Variants in EXOC4 observed in about 807,000 individuals in gnomAD.
The protein encoded by EXOC4 is SEC8-like 1.
EXOC4 carries 71 observed loss-of-function variants against 107.2 expected under a neutral mutation model. The ratio of observed to expected loss-of-function variants is 0.66; its 90% CI spans 0.55 to 0.81. EXOC4 has a LOEUF of 0.81. EXOC4 is among the 30% of genes least tolerant of loss of function. EXOC4 has a pLI of 0.00. For missense variants in EXOC4, 1,108 were observed against 1,189.6 expected (o/e 0.93, Z 1.01); for synonymous variants, 456 against 441.2 (o/e 1.03, Z -0.42).
intron 14 of EXOC4, among the ~76,000 whole-genome samples, chr7:133,990,851 C>A (rs561799997): frequency 6.6e-6 from 1 of 152,254 alleles, no homozygotes; most frequent in South Asian, 2.1e-4. Flanking sequence ...TAGGCTGGTT[C>A]CCTATTTTGG....
At chr7:133,786,679 T>C (rs1460200875) in intron 10 of EXOC4, among the ~76,000 whole-genome samples, 1 of 152,244 alleles carries the variant, frequency 6.6e-6, no homozygotes, top group Admixed American at 6.5e-5. Flanking sequence ...TTTGTGTCAC[T>C]TTACATTTTA....
intron 9 of EXOC4, among the ~76,000 whole-genome samples, chr7:133,553,367 C>T (rs573423548): frequency 6.6e-6 from 1 of 152,162 alleles, no homozygotes; most frequent in South Asian, 2.1e-4. Flanking sequence ...GTTGAGTAGC[C>T]CTGAAATAAT....
the EXOC4 span, among the ~76,000 whole-genome samples, chr7:134,077,994 G>A: frequency 6.6e-6 from 1 of 152,204 alleles, no homozygotes; most frequent in African/African-American, 2.4e-5. Context: ...GAGCACATTA[G>A]ATAATATTAT....
At chr7:133,649,213 G>T (rs779615456) in intron 10 of EXOC4, among the ~76,000 whole-genome samples, 2 of 151,978 alleles carry the variant, frequency 1.3e-5, no homozygotes, top group South Asian at 4.1e-4. Flanking sequence ...GGATACTTAT[G>T]GTTCTATGGA....
At chr7:133,755,343 T>C (rs1795892651) in intron 10 of EXOC4, among the ~76,000 whole-genome samples, 1 of 120,728 alleles carries the variant, frequency 8.3e-6, no homozygotes, top group Non-Finnish European at 1.7e-5. Context: ...TATACACATC[T>C]CTTTTTTTTT....
chr7:133,945,539 A>G (rs958850289), intron 14 of EXOC4, among the ~76,000 whole-genome samples: 1 of 152,320 alleles, frequency 6.6e-6, no homozygotes, highest in Non-Finnish European at 1.5e-5. Flanking sequence ...TCTGATTAAC[A>G]ACAAAAATGT....
At chr7:133,769,010 G>A (rs1386989759) in intron 10 of EXOC4, among the ~76,000 whole-genome samples, 1 of 151,978 alleles carries the variant, frequency 6.6e-6, no homozygotes, top group South Asian at 2.1e-4. Flanking sequence ...TGCCGTTAAC[G>A]TGCAAATCAC....
chr7:133,259,016 T>C (rs985163184), intron 1 of EXOC4, among the ~76,000 whole-genome samples: 10 of 152,128 alleles, frequency 6.6e-5, no homozygotes, highest in African/African-American at 2.4e-4. Flanking sequence ...ATATTGTGTA[T>C]TGTACAAATT....
At chr7:133,985,012 A>C (rs149656483) in intron 14 of EXOC4, among the ~76,000 whole-genome samples, 186 of 152,340 alleles carry the variant, frequency 1.2e-3, no homozygotes, top group African/African-American at 4.3e-3. Flanking sequence ...GGCTCATAAT[A>C]GTATATTCTC....
chr7:133,469,100 C>T (rs1376559366), intron 7 of EXOC4, among the ~76,000 whole-genome samples: 1 of 152,096 alleles, frequency 6.6e-6, no homozygotes, highest in Non-Finnish European at 1.5e-5. Context: ...TAATGTAAAT[C>T]ACTGAATACG....
At chr7:133,604,567 A>T (rs1801884566) in intron 9 of EXOC4, among the ~76,000 whole-genome samples, 1 of 152,124 alleles carries the variant, frequency 6.6e-6, no homozygotes, top group Non-Finnish European at 1.5e-5. Context: ...CACTGTATGT[A>T]TGGAACATGA....
At chr7:133,256,214 C>T (rs1327111550) in intron 1 of EXOC4, among the ~76,000 whole-genome samples, 5 of 152,240 alleles carry the variant, frequency 3.3e-5, no homozygotes, top group African/African-American at 9.6e-5. Context: ...ATCTCCTGAC[C>T]TTGTGATCCA....
intron 5 of EXOC4, among the ~76,000 whole-genome samples, chr7:133,341,937 T>G (rs778376180): frequency 5.9e-5 from 9 of 152,264 alleles, no homozygotes; most frequent in Admixed American, 3.9e-4. Flanking sequence ...ATGTGTCAGG[T>G]GAGTCTCTTG....
intron 13 of EXOC4, among the ~76,000 whole-genome samples, chr7:133,922,498 A>G (rs2116657364): frequency 6.6e-6 from 1 of 152,246 alleles, no homozygotes; most frequent in African/African-American, 2.4e-5. Context: ...ATAGGTTCTC[A>G]CTACTTCATA....
At chr7:133,555,227 G>A (rs1203983983) in intron 9 of EXOC4, among the ~76,000 whole-genome samples, 2 of 152,126 alleles carry the variant, frequency 1.3e-5, no homozygotes. Context: ...AGCATGTAAT[G>A]GTTAAGAAGA....
chr7:133,481,355 G>A (rs1462009317), intron 9 of EXOC4, among the ~76,000 whole-genome samples: 1 of 148,792 alleles, frequency 6.7e-6, no homozygotes. Flanking sequence ...TAGAACTCTG[G>A]GCTTTTCTCC....
chr7:133,838,206 G>T (rs1030356743), intron 11 of EXOC4, among the ~76,000 whole-genome samples: 1 of 152,118 alleles, frequency 6.6e-6, no homozygotes, highest in Non-Finnish European at 1.5e-5. Context: ...TTTACTCGTT[G>T]TTTTTGTACT....
At chr7:133,941,244 G>A (rs1012974422) in intron 14 of EXOC4, among the ~76,000 whole-genome samples, 3 of 151,908 alleles carry the variant, frequency 2.0e-5, no homozygotes, top group African/African-American at 4.8e-5. Flanking sequence ...TGATCCGCCC[G>A]CCTCGGCCTC....
chr7:133,928,623 C>A (rs559910006), intron 13 of EXOC4, among the ~76,000 whole-genome samples: 49 of 152,280 alleles, frequency 3.2e-4, no homozygotes, highest in African/African-American at 9.6e-4. Context: ...CTGCACCCTC[C>A]TCCCCTCACT....
Sources: gnomAD v4.1 joint callset for allele counts (sites outside exome capture counted in the v4.1 genomes callset) on GRCh38, gnomAD v4.1.1 for gene constraint, MANE v1.5 for transcripts, NCBI Gene and HGNC (gene_info 2026-07-23, HGNC 2026-07-21) for gene names.